GNG7: variants seen among roughly 807,000 people sequenced by gnomAD.
The protein encoded by GNG7 is guanine nucleotide-binding protein G(I)/G(S)/G(O) subunit gamma-7.
Under a neutral mutation model 4.0 loss-of-function variants are expected in GNG7, and 1 was observed. That is an observed-to-expected ratio of 0.25 (90% CI 0.09 to 1.18). GNG7 has a LOEUF of 1.18. Among genes scored for constraint, GNG7 ranks in the 50% most tolerant of loss-of-function variants. The pLI is 0.50. For missense variants in GNG7, 86 were observed against 91.9 expected (o/e 0.94, Z 0.26); for synonymous variants, 34 against 36.9 (o/e 0.92, Z 0.29).
At chr19:2,632,840 G>A (rs1190875500) in intron 2 of GNG7, 1 of 152,198 alleles carries the variant, frequency 6.6e-6, no homozygotes, top group Non-Finnish European at 1.5e-5. Flanking sequence ...TAATAAATAA[G>A]TAAAGCTGAG....
intron 1 of GNG7, among the ~76,000 whole-genome samples, chr19:2,652,937 G>C (rs1223322923): frequency 6.6e-6 from 1 of 151,818 alleles, no homozygotes; most frequent in African/African-American, 2.4e-5. Flanking sequence ...AACCAGCCTG[G>C]GCAACATAGC....
intron 3 of GNG7, among the ~76,000 whole-genome samples, chr19:2,531,777 A>ACCCC (rs1568233573): frequency 9.5e-5 from 14 of 146,828 alleles, no homozygotes; most frequent in African/African-American, 3.8e-4. Context: ...TCCCAAAAAA[A>ACCCC]AAAAAAAATG....
chr19:2,580,570 C>T (rs915656602), intron 2 of GNG7, among the ~76,000 whole-genome samples: 20 of 151,954 alleles, frequency 1.3e-4, no homozygotes, highest in African/African-American at 4.6e-4. Context: ...GGATTGCAGG[C>T]ATGAACCACC....
rs996221648 is a variant in GNG7 at position 2,693,120 on chromosome 19, A to G, written c.-135+9526T>C. ...AGCCTGGGCAACATAGTGAGACTCC[A>G]TCTCTACAAAAAATTAGCCGGATAT... On this transcript the variant is annotated intron_variant, in intron 1 of 4. Coordinates refer to ENST00000382159, the MANE Select transcript of GNG7 (RefSeq NM_052847.3). Among the ~76,000 whole-genome samples, 15 of 151,912 alleles carry G rather than the reference A, an allele frequency of 9.9e-5. 1 individual carries two copies. The highest frequency in any genetic ancestry group is 3.1e-4 in the African/African-American group (13 of 41,386).
intron 2 of GNG7, among the ~76,000 whole-genome samples, chr19:2,587,005 A>T (rs1568253612): frequency 1.3e-5 from 2 of 151,002 alleles, no homozygotes; most frequent in African/African-American, 4.9e-5. Context: ...AAAAAAAAAA[A>T]AAAAGAATGT....
chr19:2,554,845 G>A (rs566720450), intron 3 of GNG7, among the ~76,000 whole-genome samples: 1 of 152,142 alleles, frequency 6.6e-6, no homozygotes, highest in East Asian at 1.9e-4. Context: ...GTGAGCCACT[G>A]CACCTGGCTA....
intron 2 of GNG7, among the ~76,000 whole-genome samples, chr19:2,631,292 G>C (rs1018740775): frequency 6.6e-6 from 1 of 152,178 alleles, no homozygotes; most frequent in African/African-American, 2.4e-5. Context: ...TAAACTGCTG[G>C]TTATGTCACC....
At chr19:2,685,199 T>C (rs1386893179) in intron 1 of GNG7, among the ~76,000 whole-genome samples, 1 of 151,756 alleles carries the variant, frequency 6.6e-6, no homozygotes, top group Non-Finnish European at 1.5e-5. Flanking sequence ...CTGGGGAGTC[T>C]GTGCTTCATG....
Position 2,668,162 on chromosome 19 carries a change from T to C in GNG7, c.-134-21882A>G, listed in dbSNP as rs111602216. Among the ~76,000 whole-genome samples, 761 of 151,840 alleles carry C rather than the reference T, an allele frequency of 5.0e-3. 11 individuals are homozygous for C. The highest frequency in any genetic ancestry group is 0.018 in the African/African-American group (732 of 41,360). Reference sequence around the variant, plus strand: ...TGGGTGGTGAGGAGATGAAACTGTCTGCACTGCATTCCCAGTTTTTCTGTA... The same window carrying C: ...TGGGTGGTGAGGAGATGAAACTGTCCGCACTGCATTCCCAGTTTTTCTGTA... On this transcript the variant is annotated intron_variant, in intron 1 of 4. Transcript: ENST00000382159.
Position 2,551,756 on chromosome 19 carries a change from T to G in GNG7, c.-38+3393A>C, listed in dbSNP as rs1468762660. 2.6e-5 allele frequency among the ~76,000 whole-genome samples: 4 copies of G among 151,880 alleles called. No homozygotes were observed. In the East Asian group the frequency reaches 5.8e-4, roughly 22 times the overall value. ...TGGAGTGCAACGGCACGATCTCAGC[T>G]CACTGCAACCTCTGCCTCCCGGGCT... is the stretch of plus-strand genomic sequence containing the variant. On this transcript the variant is annotated intron_variant, in intron 3 of 4. Coordinates refer to ENST00000382159, the MANE Select transcript of GNG7 (RefSeq NM_052847.3).
intron 2 of GNG7, among the ~76,000 whole-genome samples, chr19:2,623,118 C>T (rs773190881): frequency 2.0e-5 from 3 of 152,112 alleles, no homozygotes; most frequent in Non-Finnish European, 4.4e-5. Context: ...CCAGAACAAA[C>T]GGGGTGTTCC....
chr19:2,697,554 A>C (rs1181478133), intron 1 of GNG7, among the ~76,000 whole-genome samples: 1 of 152,234 alleles, frequency 6.6e-6, no homozygotes, highest in Non-Finnish European at 1.5e-5. Context: ...GGCCAGGCCA[A>C]AGAGTGCATG....
At chr19:2,643,858 C>G (rs1982587291) in intron 2 of GNG7, 2 of 348,776 alleles carry the variant, frequency 5.7e-6, no homozygotes, top group Admixed American at 3.9e-5. Flanking sequence ...CTGCCCCGAT[C>G]CCAACCCCCC....
chr19:2,524,517 C>T (rs997132888), intron 3 of GNG7, among the ~76,000 whole-genome samples: 1 of 152,154 alleles, frequency 6.6e-6, no homozygotes, highest in Non-Finnish European at 1.5e-5. Flanking sequence ...TGCATATATG[C>T]GTGTGTGCAC....
In GNG7 at chr19:2,614,833, CCG is replaced by C. The variant is rs1266621832; in HGVS notation, c.-78+31389_-78+31390del. Reference sequence around the variant, plus strand: ...GGAATTGCTGGGTCATGTGGCGACTCCGCGTTCAGCCTTTTGAGGAACCACCA... The same window carrying C: ...GGAATTGCTGGGTCATGTGGCGACTCCGTTCAGCCTTTTGAGGAACCACCA... On this transcript the variant is annotated intron_variant, in intron 2 of 4. Transcript: ENST00000382159. This position sits in a 1 kb window ranked among gnomAD's most constrained non-coding sequence, Gnocchi z 6.0. Among the ~76,000 whole-genome samples, 1 of 152,208 alleles carries C rather than the reference CCG, an allele frequency of 6.6e-6. No individual in the cohort carries two copies. Among genetic ancestry groups the C allele is most frequent in the African/African-American group, 2.4e-5 (1 of 41,440 alleles).
At chr19:2,516,386 A>G (rs1001641162) in intron 4 of GNG7, among the ~76,000 whole-genome samples, 4 of 151,832 alleles carry the variant, frequency 2.6e-5, no homozygotes, top group African/African-American at 9.7e-5. Context: ...CACCACGCCC[A>G]GCTAATTTTT....
intron 1 of GNG7, among the ~76,000 whole-genome samples, chr19:2,694,423 G>A (rs1198908239): frequency 6.6e-6 from 1 of 152,070 alleles, no homozygotes; most frequent in Non-Finnish European, 1.5e-5. Context: ...TCCTGGCGTG[G>A]AGTGGGTGGA....
chr19:2,591,571 G>A (rs1001767462), intron 2 of GNG7, among the ~76,000 whole-genome samples: 1 of 151,076 alleles, frequency 6.6e-6, no homozygotes, highest in Non-Finnish European at 1.5e-5. Flanking sequence ...CAAAGTTGGG[G>A]GAAAGTCTAT....
intron 3 of GNG7, among the ~76,000 whole-genome samples, chr19:2,540,922 C>G (rs561335101): frequency 6.6e-6 from 1 of 152,214 alleles, no homozygotes; most frequent in African/African-American, 2.4e-5. Context: ...CTCGATAAAC[C>G]GACCAGGAGC....
Sources: gnomAD v4.1 joint callset for allele counts (sites outside exome capture counted in the v4.1 genomes callset) on GRCh38, gnomAD v4.1.1 for gene constraint, Gnocchi (gnomAD v3.1) non-coding constraint, MANE v1.5 for transcripts, NCBI Gene and HGNC (gene_info 2026-07-23, HGNC 2026-07-21) for gene names.